FMN1: variants seen among roughly 807,000 people sequenced by gnomAD.
FMN1 encodes the protein formin 1.
In FMN1, 110 loss-of-function variants were observed where a neutral mutation model predicts 132.4. That is an observed-to-expected ratio of 0.83 (90% confidence interval 0.71 to 0.97). The LOEUF is 0.97. FMN1 is among the 50% of genes least tolerant of loss of function. FMN1 has a pLI of 0.00. For missense variants in FMN1, 1,792 were observed against 1,705.3 expected (o/e 1.05, Z -0.90); for synonymous variants, 722 against 651.7 (o/e 1.11, Z -1.64).
chr15:32,777,483 T>TATAACATATAACAC (rs1224882199), intron 19 of FMN1, among the ~76,000 whole-genome samples: 1 of 146,556 alleles, frequency 6.8e-6, no homozygotes, highest in Non-Finnish European at 1.5e-5. Context: ...TTATATATTA[T>TATAACATATAACAC]ATTTATATAT....
At chr15:32,785,218 A>ATATT (rs1444523400) in intron 19 of FMN1, among the ~76,000 whole-genome samples, 11 of 39,206 alleles carry the variant, frequency 2.8e-4, no homozygotes, top group African/African-American at 9.5e-4. Context: ...ATATATATAT[A>ATATT]TTTTTTTTTT....
At chr15:33,057,024 A>G (rs1174239681) in intron 6 of FMN1, among the ~76,000 whole-genome samples, 1 of 152,064 alleles carries the variant, frequency 6.6e-6, no homozygotes, top group Non-Finnish European at 1.5e-5. Flanking sequence ...AGAAATACAA[A>G]TAAATTAGCC....
chr15:33,154,459 G>A lies in FMN1; in HGVS notation c.456C>T (p.Ser152=), dbSNP rs1307800464. 6.5e-7 allele frequency: 1 copy of A among 1,536,048 alleles called. No individual in the cohort carries two copies. The highest frequency in any genetic ancestry group is 8.7e-7 in the Non-Finnish European group (1 of 1,146,900). The change falls in exon 4 of 21, where the codon AGC becomes AGT. Residue 152 remains serine, a synonymous_variant. Transcript: ENST00000616417. ...TCCGAGGCTTTTTGTTCCCGTGGGT[G>A]CTCCTCTTATTGAGAGGGCCCACGG... ...ELPVGPLNKR[S]THGNKKPRRS...
intron 9 of FMN1, among the ~76,000 whole-genome samples, chr15:32,949,032 TATAA>T (rs1487798204): frequency 6.6e-6 from 1 of 152,028 alleles, no homozygotes; most frequent in Non-Finnish European, 1.5e-5. Flanking sequence ...GCTTTTCTAA[TATAA>T]ATACTCATGA....
At chr15:32,991,638 C>T (rs1259790541) in intron 7 of FMN1, among the ~76,000 whole-genome samples, 1 of 152,138 alleles carries the variant, frequency 6.6e-6, no homozygotes, top group East Asian at 1.9e-4. Context: ...AACGACTTGG[C>T]TTGCTGTCAG....
intron 2 of FMN1, among the ~76,000 whole-genome samples, chr15:33,186,820 G>A (rs992290978): frequency 2.0e-5 from 3 of 152,240 alleles, no homozygotes; most frequent in Non-Finnish European, 1.5e-5. Flanking sequence ...TGGAAGAAGA[G>A]AAAGCAGAGG....
intron 17 of FMN1, among the ~76,000 whole-genome samples, chr15:32,846,198 TA>T: frequency 6.6e-6 from 1 of 152,280 alleles, no homozygotes; most frequent in African/African-American, 2.4e-5. Flanking sequence ...ACTAAAATAA[TA>T]AAAGTTGTAT....
At chr15:32,778,088 C>A (rs1250243396) in intron 19 of FMN1, among the ~76,000 whole-genome samples, 3 of 42,746 alleles carry the variant, frequency 7.0e-5, no homozygotes, top group East Asian at 4.9e-4. Context: ...ATATATAATA[C>A]ATTTATTATA....
At chr15:33,049,873 C>G (rs1192234982) in intron 6 of FMN1, among the ~76,000 whole-genome samples, 2 of 152,334 alleles carry the variant, frequency 1.3e-5, no homozygotes, top group South Asian at 2.1e-4. Flanking sequence ...CATGGCTGCA[C>G]TGGAGTCTCC....
chr15:33,047,315 C>G (rs1295564859), intron 6 of FMN1, among the ~76,000 whole-genome samples: 1 of 152,174 alleles, frequency 6.6e-6, no homozygotes, highest in Non-Finnish European at 1.5e-5. Flanking sequence ...GTGGTTAAGT[C>G]ATAACCTTAG....
intron 16 of FMN1, among the ~76,000 whole-genome samples, chr15:32,872,146 C>T (rs1439734031): frequency 6.6e-6 from 1 of 151,874 alleles, no homozygotes; most frequent in African/African-American, 2.4e-5. Flanking sequence ...AAGTGTACAG[C>T]AAACTTACAT....
At chr15:32,843,424 A>AATTT (rs1222376454) in intron 17 of FMN1, among the ~76,000 whole-genome samples, 1 of 152,256 alleles carries the variant, frequency 6.6e-6, no homozygotes, top group African/African-American at 2.4e-5. Flanking sequence ...GCTTAAGTTA[A>AATTT]AGAAAGCAAC....
chr15:32,788,509 G>A (rs1391442282), intron 19 of FMN1, among the ~76,000 whole-genome samples: 1 of 152,170 alleles, frequency 6.6e-6, no homozygotes, highest in Non-Finnish European at 1.5e-5. Context: ...CTGTTTGCAT[G>A]GGTGACTGGA....
At chr15:32,949,163 G>A (rs7163428) in intron 9 of FMN1, among the ~76,000 whole-genome samples, 43,417 of 151,818 alleles carry the variant, frequency 0.29, 8,194 homozygotes, top group African/African-American at 0.55. Context: ...GTGTGATCAT[G>A]TATTTTTAAA....
At chr15:33,175,820 AAAGG>A (rs1965494846) in intron 3 of FMN1, among the ~76,000 whole-genome samples, 1 of 152,220 alleles carries the variant, frequency 6.6e-6, no homozygotes, top group Non-Finnish European at 1.5e-5. Flanking sequence ...CCCTTCAAAT[AAAGG>A]GTTCTGCCCC....
intron 17 of FMN1, among the ~76,000 whole-genome samples, chr15:32,819,532 GTTTC>G (rs2058151917): frequency 1.3e-5 from 2 of 152,348 alleles, no homozygotes; most frequent in Non-Finnish European, 2.9e-5. Flanking sequence ...ATATTTGACA[GTTTC>G]TGTCAGAAAG....
At chr15:33,139,439 A>T (rs2140246953) in intron 4 of FMN1, among the ~76,000 whole-genome samples, 1 of 124,108 alleles carries the variant, frequency 8.1e-6, no homozygotes. Flanking sequence ...TACTAAAAAT[A>T]CAAAAAATTA....
rs533373307 is a variant in FMN1, at chr15:32,769,742, C to T, written c.*4568G>A. ...TCAGCTTGGCCACACAGACTGGTTT[C>T]ATCTGTGTTGCAGATTTCTTTATGA... is the stretch of plus-strand genomic sequence containing the variant. On this transcript the variant is annotated 3_prime_UTR_variant, in exon 21 of 21. Transcript: ENST00000616417. The T allele has an allele frequency of 1.4e-4, 22 of 152,226 alleles. No individual in the cohort carries two copies. The highest frequency in any genetic ancestry group is 8.8e-5 in the Non-Finnish European group (6 of 68,042). The allele number at this position is 152,226 out of a possible 1,614,324, so 9.4% of individuals were successfully genotyped here.
intron 5 of FMN1, among the ~76,000 whole-genome samples, chr15:33,081,134 CT>C (rs2038438670): frequency 6.6e-6 from 1 of 152,154 alleles, no homozygotes; most frequent in African/African-American, 2.4e-5. Context: ...TTGCATTTCG[CT>C]TGGAAACTTG....
Sources: allele counts gnomAD v4.1 joint callset (sites outside exome capture counted in the v4.1 genomes callset), GRCh38; gene constraint gnomAD v4.1.1; transcripts MANE v1.5; gene names NCBI Gene and HGNC (gene_info 2026-07-23, HGNC 2026-07-21).